Variants in LOC128462377 observed in about 807,000 individuals in gnomAD.
At chr16:89,412,962 CAT>C in the LOC128462377 span, among the ~76,000 whole-genome samples, 2 of 152,124 alleles carry the variant, frequency 1.3e-5, no homozygotes, top group Admixed American at 6.5e-5. Context: ...TAAAAGCACA[CAT>C]GAGGGAAAAC....
the LOC128462377 span, chr16:89,324,912 T>C: frequency 4.5e-6 from 1 of 221,636 alleles, no homozygotes; most frequent in East Asian, 1.4e-4. Flanking sequence ...CTCCCCTCCA[T>C]ATATACATTT....
At chr16:89,402,901 G>C in the LOC128462377 span, among the ~76,000 whole-genome samples, 3 of 152,104 alleles carry the variant, frequency 2.0e-5, no homozygotes, top group African/African-American at 4.8e-5. Flanking sequence ...AGCCCCATCA[G>C]GGCCAGCACT....
chr16:89,390,997 G>A, the LOC128462377 span, among the ~76,000 whole-genome samples: 1 of 152,140 alleles, frequency 6.6e-6, no homozygotes, highest in Non-Finnish European at 1.5e-5. Flanking sequence ...GGGAGGCCGA[G>A]GTGGGTGGAT....
chr16:89,407,979 T>C, the LOC128462377 span, among the ~76,000 whole-genome samples: 2 of 151,978 alleles, frequency 1.3e-5, no homozygotes, highest in South Asian at 2.1e-4. Context: ...CAAACACATC[T>C]ATAGCGAAGT....
the LOC128462377 span, among the ~76,000 whole-genome samples, chr16:89,371,975 A>AC: frequency 6.6e-6 from 1 of 152,180 alleles, no homozygotes; most frequent in East Asian, 1.9e-4. Flanking sequence ...GAAAGAACCC[A>AC]CAGAGGCTCT....
chr16:89,376,388 G>C, the LOC128462377 span, among the ~76,000 whole-genome samples: 1 of 152,200 alleles, frequency 6.6e-6, no homozygotes. Flanking sequence ...TGAGGTCCCA[G>C]ACACCATGAG....
chr16:89,374,349 T>A, the LOC128462377 span, among the ~76,000 whole-genome samples: 82,738 of 150,542 alleles, frequency 0.55, 22,792 homozygotes, highest in Middle Eastern at 0.71. Context: ...AAAAAAATAA[T>A]AATAATAATA....
the LOC128462377 span, chr16:89,323,308 G>A: frequency 7.8e-7 from 1 of 1,288,966 alleles, no homozygotes; most frequent in Middle Eastern, 2.1e-4. Flanking sequence ...CACACCCTAT[G>A]ACCCACAGCA....
At chr16:89,404,864 A>G in the LOC128462377 span, among the ~76,000 whole-genome samples, 2 of 152,258 alleles carry the variant, frequency 1.3e-5, no homozygotes, top group African/African-American at 4.8e-5. Flanking sequence ...ACCACTGTAA[A>G]TCACACTATT....
At chr16:89,349,147 A>AAAAAAAAAG in the LOC128462377 span, among the ~76,000 whole-genome samples, 37 of 143,250 alleles carry the variant, frequency 2.6e-4, no homozygotes, top group Middle Eastern at 3.5e-3. Context: ...AAAAAAAAAA[A>AAAAAAAAAG]AAAAAAAAAA....
chr16:89,324,367 G>A, the LOC128462377 span: 21 of 905,264 alleles, frequency 2.3e-5, no homozygotes, highest in Non-Finnish European at 3.0e-5. Flanking sequence ...AAAGCCAGGA[G>A]GGCGGCACGT....
chr16:89,406,333 G>T, the LOC128462377 span, among the ~76,000 whole-genome samples: 1 of 152,084 alleles, frequency 6.6e-6, no homozygotes, highest in Non-Finnish European at 1.5e-5. Flanking sequence ...GCCAGGTCAC[G>T]GCGGGCACGG....
At chr16:89,347,468 G>A in the LOC128462377 span, among the ~76,000 whole-genome samples, 700 of 152,126 alleles carry the variant, frequency 4.6e-3, 36 homozygotes, top group Admixed American at 0.042. Context: ...AAAATTAGCC[G>A]GGCGTGGTGG....
chr16:89,341,959 C>A, the LOC128462377 span, among the ~76,000 whole-genome samples: 4 of 149,984 alleles, frequency 2.7e-5, no homozygotes, highest in Non-Finnish European at 5.9e-5. Context: ...ACAGCAGCCA[C>A]GGCCCATGGC....
the LOC128462377 span, among the ~76,000 whole-genome samples, chr16:89,327,709 G>GAC: frequency 0.94 from 142,910 of 152,158 alleles, 67,215 homozygotes; most frequent in African/African-American, 0.99. Flanking sequence ...ATGAAATAAA[G>GAC]ACAGTACCAT....
chr16:89,401,074 T>A, the LOC128462377 span, among the ~76,000 whole-genome samples: 2,305 of 151,854 alleles, frequency 0.015, 67 homozygotes, highest in African/African-American at 0.053. Flanking sequence ...AGTAATGTTA[T>A]ATATTTCTCT....
At chr16:89,385,512 G>A in the LOC128462377 span, among the ~76,000 whole-genome samples, 6 of 152,222 alleles carry the variant, frequency 3.9e-5, no homozygotes, top group South Asian at 4.2e-4. Flanking sequence ...CAGAGACACC[G>A]AGACCCTGTG....
chr16:89,339,071 G>A, the LOC128462377 span, among the ~76,000 whole-genome samples: 33 of 152,150 alleles, frequency 2.2e-4, no homozygotes, highest in Admixed American at 1.1e-3. Flanking sequence ...GAGGACAGAC[G>A]TCCTGGGTAA....
the LOC128462377 span, among the ~76,000 whole-genome samples, chr16:89,330,525 G>A: frequency 1.3e-5 from 2 of 151,792 alleles, no homozygotes; most frequent in Admixed American, 6.6e-5. Context: ...ACGTGGCAGC[G>A]GGTTTCCACA....
Sources: allele counts gnomAD v4.1 joint callset (sites outside exome capture counted in the v4.1 genomes callset), GRCh38; gene constraint gnomAD v4.1.1; transcripts MANE v1.5.